Variants in RIPOR3 observed in about 807,000 individuals in gnomAD.
RIPOR3 encodes family with sequence similarity 65 member C.
A neutral mutation model predicts 114.3 loss-of-function variants in RIPOR3; 95 were observed. The ratio of observed to expected loss-of-function variants is 0.83; its 90% CI spans 0.70 to 0.99. The LOEUF (loss-of-function observed/expected upper bound fraction) is 0.99. Among genes scored for constraint, RIPOR3 ranks in the 50% least tolerant of loss-of-function variants. The probability of loss-of-function intolerance (pLI) is 0.00; values close to 1 mark genes in which losing one functional copy is unlikely to be tolerated. For missense variants in RIPOR3, 1,252 were observed against 1,266.9 expected (o/e 0.99, Z 0.18); for synonymous variants, 575 against 543.8 (o/e 1.06, Z -0.80).
At chr20:50,642,604 C>A (rs562811233) in intron 1 of RIPOR3, among the ~76,000 whole-genome samples, 15 of 151,782 alleles carry the variant, frequency 9.9e-5, no homozygotes, top group Admixed American at 7.9e-4. Flanking sequence ...CCCCTCCCCC[C>A]ATGAGGCCTT....
chr20:50,608,885 A>G, intron 9 of RIPOR3, 27 bp downstream of exon 9: 1 of 1,599,276 alleles, frequency 6.3e-7, no homozygotes, highest in East Asian at 2.3e-5. Context: ...GGGAGCCCTG[A>G]GGATTGACCC....
chr20:50,682,048 A>G (rs1443191731), intron 1 of RIPOR3, among the ~76,000 whole-genome samples: 2 of 152,228 alleles, frequency 1.3e-5, no homozygotes. Context: ...ATAATTCAGC[A>G]TACGATTTCA....
intron 3 of RIPOR3, 105 bp downstream of exon 3, chr20:50,619,881 T>A: frequency 1.4e-6 from 2 of 1,414,086 alleles, no homozygotes; most frequent in Non-Finnish European, 1.9e-6. Context: ...ACTTAACCTG[T>A]CACCTCTTGT....
chr20:50,611,069 G>T lies in RIPOR3; in HGVS notation c.372+112C>A, dbSNP rs921302125. On this transcript the variant is annotated intron_variant, in intron 5 of 21. Coordinates refer to ENST00000327979, the MANE Select transcript of RIPOR3 (RefSeq NM_001290268.2). ...GACTCAGCCTTCCCATTCCTAAAATGGGGAGGAGACCCAGGTTTTCTGCCC... is the reference window on the plus strand; with the variant it reads ...GACTCAGCCTTCCCATTCCTAAAATTGGGAGGAGACCCAGGTTTTCTGCCC... The T allele has an allele frequency of 3.8e-6, 6 of 1,568,966 alleles. No homozygotes were observed. The African/African-American group carries it at 6.8e-5, about 18-fold the overall frequency.
chr20:50,604,788 C>T lies in RIPOR3; in HGVS notation c.957-14G>A, dbSNP rs368505613. 1.4e-4 allele frequency: 230 copies of T among 1,605,402 alleles called. No homozygotes were observed. Among genetic ancestry groups the T allele is most frequent in the Non-Finnish European group, 1.9e-4 (222 of 1,177,270 alleles). On this transcript the variant is annotated splice_polypyrimidine_tract_variant and intron_variant, in intron 11 of 21. Transcript: ENST00000327979. ...GTATCAAACGGGCTGGAGGAGAGAA[C>T]AGAAGGTCAGGATGCCATCGGCACC...
At chr20:50,612,677 C>T (rs1369698853) in intron 4 of RIPOR3, among the ~76,000 whole-genome samples, 2 of 151,936 alleles carry the variant, frequency 1.3e-5, no homozygotes, top group African/African-American at 4.8e-5. Context: ...AAGGGTTAAA[C>T]GGGATGGGAC....
intron 2 of RIPOR3, among the ~76,000 whole-genome samples, chr20:50,622,457 C>G (rs1430298938): frequency 6.6e-6 from 1 of 152,140 alleles, no homozygotes; most frequent in Non-Finnish European, 1.5e-5. Context: ...ACTAGGATTA[C>G]AGGTGTGAGC....
chr20:50,592,470 C>T lies in RIPOR3; in HGVS notation c.2451G>A (p.Gln817=). 1.2e-6 allele frequency: 2 copies of T among 1,611,414 alleles called. No homozygotes were observed. Among genetic ancestry groups the T allele is most frequent in the East Asian group, 2.2e-5 (1 of 44,800 alleles). Residue 817 remains glutamine, a synonymous_variant, in exon 19 of 22, where the codon CAG becomes CAA. Coordinates refer to ENST00000327979, the MANE Select transcript of RIPOR3 (RefSeq NM_001290268.2). ...VRKLQGKRLG[Q]LQPLPQTLRA... ...TTAAGGTCTGGGGCAGAGGCTGGAG[C>T]TGGCCCAGCCGCTTCCCCTGCAGCT... is the stretch of plus-strand genomic sequence containing the variant.
intron 15 of RIPOR3, among the ~76,000 whole-genome samples, chr20:50,595,782 T>C (rs566376167): frequency 2.7e-4 from 41 of 152,334 alleles, no homozygotes; most frequent in Admixed American, 5.9e-4. Context: ...CTAGTCCTGA[T>C]AGCATTTGAA....
intron 16 of RIPOR3, 115 bp from the exon 17 acceptor site, chr20:50,594,829 C>A: frequency 8.1e-7 from 1 of 1,241,622 alleles, no homozygotes; most frequent in South Asian, 1.5e-5. Context: ...GACGGTGTGG[C>A]TTGATGCGAG....
chr20:50,593,643 G>C (rs2083186721), intron 17 of RIPOR3, among the ~76,000 whole-genome samples: 1 of 152,126 alleles, frequency 6.6e-6, no homozygotes, highest in African/African-American at 2.4e-5. Flanking sequence ...TGTAGGGGAG[G>C]AGTGTGCCCA....
At chr20:50,597,415 G>C (rs1403527919) in intron 14 of RIPOR3, 165 bp downstream of exon 14, 1 of 1,020,230 alleles carries the variant, frequency 9.8e-7, no homozygotes, top group East Asian at 2.6e-5. Flanking sequence ...GAGGCAAGTG[G>C]GGGATGTGCG....
rs986490038 is a variant in RIPOR3 at position 50,646,425 on chromosome 20, C to T, written c.4-15569G>A. ...GGGATTACAGGTGGGAGCCACTGTG[C>T]GTGGCCCAGGACTGAGCAACTTTAA... is the stretch of plus-strand genomic sequence containing the variant. On this transcript the variant is annotated intron_variant, in intron 1 of 21. Coordinates refer to ENST00000327979, the MANE Select transcript of RIPOR3 (RefSeq NM_001290268.2). 5.3e-5 allele frequency among the ~76,000 whole-genome samples: 8 copies of T among 152,168 alleles called. No homozygotes were observed. The East Asian group carries it at 1.3e-3, about 26-fold the overall frequency.
intron 19 of RIPOR3, 52 bp downstream of exon 19, chr20:50,592,292 C>G: frequency 6.7e-7 from 1 of 1,482,906 alleles, no homozygotes; most frequent in East Asian, 2.4e-5. Context: ...ACCAGCTTAC[C>G]TATGCCCACA....
chr20:50,644,798 G>C (rs2123354269), intron 1 of RIPOR3, among the ~76,000 whole-genome samples: 1 of 147,654 alleles, frequency 6.8e-6, no homozygotes, highest in South Asian at 2.2e-4. Flanking sequence ...TGGGATTCCA[G>C]GTGTGAGCCA....
intron 1 of RIPOR3, among the ~76,000 whole-genome samples, chr20:50,658,472 C>A (rs984726099): frequency 6.6e-6 from 1 of 152,148 alleles, no homozygotes. Flanking sequence ...CTTTGGGAGA[C>A]CACGGTGGGA....
chr20:50,597,657 G>A lies in RIPOR3; in HGVS notation c.1713C>T (p.Ile571=). ...CATTGAGGAAGGCGAAGCTCTCCAG[G>A]ATGCACTCCATCAGGCTCTCGGCCG... ...HTSAESLMEC[I]LESFAFLNAD... Residue 571 remains isoleucine (I), a synonymous_variant, in exon 14 of 22, where the codon ATC becomes ATT. Transcript: ENST00000327979. 1 of 1,612,426 alleles carries A rather than the reference G, an allele frequency of 6.2e-7. No individual in the cohort carries two copies. The highest frequency in any genetic ancestry group is 8.5e-7 in the Non-Finnish European group (1 of 1,179,278).
Position 50,608,386 on chromosome 20 carries a change from C to T in RIPOR3, c.956+3G>A. ...CGCTCTCCCCAGGCTGGACGGGACT[C>T]ACTTCCACTGCACCTCCAGCTGCAG... On this transcript the variant is annotated splice_donor_region_variant and intron_variant, in intron 11 of 21. Transcript: ENST00000327979. 1.2e-6 allele frequency: 2 copies of T among 1,613,880 alleles called. No homozygotes were observed. Among genetic ancestry groups the T allele is most frequent in the African/African-American group, 2.7e-5 (2 of 75,010 alleles).
At position 50,604,968 on chromosome 20, in the gene RIPOR3, G is replaced by A. The variant is rs1355611305; in HGVS notation, c.957-194C>T. ...GACAGGGTCTTGCTGTGATGCCCAG[G>A]TTGGAATGCAGTGGTGCCACCACAG... On this transcript the variant is annotated intron_variant, in intron 11 of 21. Transcript: ENST00000327979. Among the ~76,000 whole-genome samples, 3 of 152,216 alleles carry A rather than the reference G, an allele frequency of 2.0e-5. No individual in the cohort carries two copies. The East Asian group carries it at 5.8e-4, about 29-fold the overall frequency.
Sources: gnomAD v4.1 joint callset for allele counts (sites outside exome capture counted in the v4.1 genomes callset) on GRCh38, gnomAD v4.1.1 for gene constraint, MANE v1.5 for transcripts, NCBI Gene and HGNC (gene_info 2026-07-23, HGNC 2026-07-21) for gene names.